The following PARD3B variants were observed in gnomAD, a reference collection of about 807,000 sequenced individuals.
PARD3B encodes the protein par-3 family cell polarity regulator beta, also known as partitioning defective 3 homolog B.
PARD3B carries 103 observed loss-of-function variants against 130.2 expected under a neutral mutation model. The observed-to-expected ratio is 0.79, with a 90% CI of 0.67 to 0.93. The LOEUF (loss-of-function observed/expected upper bound fraction) is 0.93, where lower values mean the gene tolerates loss of function less well. Among genes scored for constraint, PARD3B ranks in the 40% least tolerant of loss-of-function variants. The pLI, the probability that PARD3B is intolerant of heterozygous loss-of-function variation, is 0.00. For missense variants in PARD3B, 1,609 were observed against 1,499.2 expected, an observed-to-expected ratio of 1.07 and a Z score of -1.21; for synonymous variants, 583 against 553.2, an observed-to-expected ratio of 1.05 and a Z score of -0.76.
At chr2:205,423,823 C>A in intron 19 of PARD3B, among the ~76,000 whole-genome samples, 1 of 152,268 alleles carries the variant, frequency 6.6e-6, no homozygotes, top group Admixed American at 6.5e-5. Context: ...TTATCCTTAG[C>A]AAACTAACAC....
intron 4 of PARD3B, among the ~76,000 whole-genome samples, chr2:205,086,020 T>C (rs1270401039): frequency 3.3e-5 from 5 of 152,210 alleles, no homozygotes; most frequent in Admixed American, 3.3e-4. Context: ...TCAAGTTTAA[T>C]GCCTTCAAGA....
intron 2 of PARD3B, among the ~76,000 whole-genome samples, chr2:204,719,058 T>G (rs2038873305): frequency 6.6e-6 from 1 of 152,218 alleles, no homozygotes; most frequent in African/African-American, 2.4e-5. Flanking sequence ...AACAGTTAAT[T>G]AACCAAAACA....
At chr2:205,504,505 G>A (rs1018496525) in intron 21 of PARD3B, among the ~76,000 whole-genome samples, 2 of 152,192 alleles carry the variant, frequency 1.3e-5, no homozygotes, top group African/African-American at 4.8e-5. Context: ...CTGACAAAGA[G>A]CTAATATCCA....
intron 19 of PARD3B, among the ~76,000 whole-genome samples, chr2:205,409,140 G>T (rs539903580): frequency 6.6e-6 from 1 of 152,244 alleles, no homozygotes; most frequent in Admixed American, 6.5e-5. Flanking sequence ...CTGACAGAAA[G>T]AAGCTATCAG....
In PARD3B at chr2:204,689,593, C is replaced by T. The variant is rs527797999; in HGVS notation, c.222+3311C>T. ...TGCTAAAGGCTACCAACTTAGTTCA[C>T]CCAATAGTAACAACCTAATCATTGA... On this transcript the variant is annotated intron_variant, in intron 2 of 22. Coordinates refer to ENST00000406610, the MANE Select transcript of PARD3B (RefSeq NM_001302769.2). This position sits in a 1 kb window ranked among gnomAD's most constrained non-coding sequence, Gnocchi z 5.2. Among the ~76,000 whole-genome samples, 2 of 152,236 alleles carry T rather than the reference C, an allele frequency of 1.3e-5. No individual in the cohort carries two copies. The highest frequency in any genetic ancestry group is 2.4e-5 in the African/African-American group (1 of 41,552).
At chr2:204,989,068 G>A (rs1693418450) in intron 3 of PARD3B, among the ~76,000 whole-genome samples, 1 of 152,146 alleles carries the variant, frequency 6.6e-6, no homozygotes, top group Admixed American at 6.5e-5. Context: ...CCTAGTATAG[G>A]AAGTAATCAC....
chr2:205,165,341 C>G (rs1219981224), intron 11 of PARD3B, among the ~76,000 whole-genome samples: 1 of 152,028 alleles, frequency 6.6e-6, no homozygotes, highest in East Asian at 1.9e-4. Flanking sequence ...AACTTTCTTG[C>G]AGAAGAAATT....
intron 15 of PARD3B, among the ~76,000 whole-genome samples, chr2:205,195,120 C>T (rs886353971): frequency 4.6e-5 from 7 of 151,932 alleles, no homozygotes; most frequent in African/African-American, 7.2e-5. Context: ...ATTTTTATTA[C>T]CAAAAACTGT....
chr2:204,701,388 G>A (rs2037885175), intron 2 of PARD3B, among the ~76,000 whole-genome samples: 1 of 152,062 alleles, frequency 6.6e-6, no homozygotes, highest in South Asian at 2.1e-4. Context: ...TATACTCATG[G>A]GACTTATTGG....
chr2:204,944,689 T>G (rs1689171266), intron 2 of PARD3B, among the ~76,000 whole-genome samples: 1 of 152,256 alleles, frequency 6.6e-6, no homozygotes, highest in African/African-American at 2.4e-5. Flanking sequence ...ATAGTGAGTT[T>G]TCTAAATTTT....
intron 5 of PARD3B, among the ~76,000 whole-genome samples, chr2:205,111,298 A>G (rs1158293343): frequency 1.3e-5 from 2 of 152,178 alleles, no homozygotes; most frequent in East Asian, 3.9e-4. Flanking sequence ...GCTTCTAGCT[A>G]CAAAATTGCA....
chr2:205,082,083 G>A (rs1701451830), intron 4 of PARD3B, among the ~76,000 whole-genome samples: 1 of 151,870 alleles, frequency 6.6e-6, no homozygotes, highest in South Asian at 2.1e-4. Context: ...CTTTCTTATT[G>A]GATCATTACT....
chr2:204,883,452 T>TAAA (rs2046145694), intron 2 of PARD3B, among the ~76,000 whole-genome samples: 3 of 106,040 alleles, frequency 2.8e-5, no homozygotes, highest in South Asian at 2.8e-4. Flanking sequence ...TATATATATA[T>TAAA]ATATTTTTTT....
intron 4 of PARD3B, among the ~76,000 whole-genome samples, chr2:205,096,200 T>C (rs1010155675): frequency 6.6e-6 from 1 of 152,114 alleles, no homozygotes; most frequent in African/African-American, 2.4e-5. Context: ...CCTTAGTATT[T>C]GGTGCATTAT....
intron 2 of PARD3B, among the ~76,000 whole-genome samples, chr2:204,779,063 C>G (rs991995520): frequency 6.6e-6 from 1 of 152,118 alleles, no homozygotes; most frequent in African/African-American, 2.4e-5. Context: ...TCTTTTCAGA[C>G]TTGCAACATC....
chr2:205,172,424 C>T lies in PARD3B; in HGVS notation c.1791+43C>T, dbSNP rs1261472990. 1.9e-6 allele frequency: 3 copies of T among 1,575,892 alleles called. No homozygotes were observed. In the South Asian group the frequency reaches 3.4e-5, roughly 18 times the overall value. ...TCTCCTCAGCCAGTTGCCCAAATTGCCACCAGAATATGCAGACTTCCATTC... is the reference window on the plus strand; with the variant it reads ...TCTCCTCAGCCAGTTGCCCAAATTGTCACCAGAATATGCAGACTTCCATTC... On this transcript the variant is annotated intron_variant, in intron 12 of 22. Coordinates refer to ENST00000406610, the MANE Select transcript of PARD3B (RefSeq NM_001302769.2).
In PARD3B at chr2:205,113,484, G is replaced by A; in HGVS notation, c.594-7G>A. 6.2e-7 allele frequency: 1 copy of A among 1,607,384 alleles called. No homozygotes were observed. Among genetic ancestry groups the A allele is most frequent in the African/African-American group, 1.3e-5 (1 of 74,476 alleles). ...CTCATTTGTGCTCTTGTTTTTTTCT[G>A]CCCCAGTGATATGACAAGAACAGTG... is the stretch of plus-strand genomic sequence containing the variant. On this transcript the variant is annotated splice_region_variant and splice_polypyrimidine_tract_variant and intron_variant, in intron 5 of 22. Transcript: ENST00000406610.
chr2:205,425,432 A>G (rs2047110750), intron 19 of PARD3B, among the ~76,000 whole-genome samples: 1 of 152,036 alleles, frequency 6.6e-6, no homozygotes, highest in African/African-American at 2.4e-5. Flanking sequence ...TTGAAATGGC[A>G]GTGTTTAGTA....
chr2:204,854,614 A>G (rs2044844970), intron 2 of PARD3B, among the ~76,000 whole-genome samples: 1 of 152,192 alleles, frequency 6.6e-6, no homozygotes, highest in Admixed American at 6.5e-5. Flanking sequence ...TGAACACACC[A>G]TGCTGAGCAC....
Sources: allele counts gnomAD v4.1 joint callset (sites outside exome capture counted in the v4.1 genomes callset), GRCh38; gene constraint gnomAD v4.1.1; non-coding constraint Gnocchi (gnomAD v3.1); transcripts MANE v1.5; gene names NCBI Gene and HGNC (gene_info 2026-07-23, HGNC 2026-07-21).